TBC1D8: variants seen among roughly 807,000 people sequenced by gnomAD.
TBC1D8 encodes the protein BUB2-like protein 1.
TBC1D8 carries 65 observed loss-of-function variants against 118.8 expected under a neutral mutation model. The observed-to-expected ratio is 0.55, with a 90% CI of 0.45 to 0.67. The LOEUF (loss-of-function observed/expected upper bound fraction) is 0.67. TBC1D8 is among the 30% of genes least tolerant of loss of function. The probability of loss-of-function intolerance (pLI) is 0.00; values close to 1 mark genes in which losing one functional copy is unlikely to be tolerated. For missense variants in TBC1D8, 1,376 were observed against 1,471.2 expected (o/e 0.94, Z 1.06); for synonymous variants, 566 against 595.8 (o/e 0.95, Z 0.73).
chr2:101,017,247 C>A lies in TBC1D8; in HGVS notation c.2827+4434G>T, dbSNP rs116057343. ...CCTTCTGGAATAGCGCCTGAAGGACCTGCCTGAGGCTGTTTTACAGTTTAT... is the reference window on the plus strand; with the variant it reads ...CCTTCTGGAATAGCGCCTGAAGGACATGCCTGAGGCTGTTTTACAGTTTAT... On this transcript the variant is annotated intron_variant, in intron 17 of 19. Transcript: ENST00000409318. Among the ~76,000 whole-genome samples the A allele has an allele frequency of 5.2e-3, 784 of 152,154 alleles. 6 individuals are homozygous for A. Among genetic ancestry groups the A allele is most frequent in the African/African-American group, 0.018 (735 of 41,474 alleles).
rs1255339627 is a variant in TBC1D8, at chr2:101,090,342, A to G, written c.150T>C (p.Asp50=). 1 of 1,614,038 alleles carries G rather than the reference A, an allele frequency of 6.2e-7. No individual in the cohort carries two copies. The highest frequency in any genetic ancestry group is 1.7e-5 in the Admixed American group (1 of 60,030). Residue 50 remains aspartate (D), a synonymous_variant, in exon 2 of 20, where the codon GAT becomes GAC. Transcript: ENST00000409318. ...RLTGRLVGAL[D]AVLDSNARVA... ...CCCGTGCATTGGAATCCAACACTGC[A>G]TCCAGAGCGCCGACCAGGCGACCTT... is the stretch of plus-strand genomic sequence containing the variant.
chr2:101,105,936 T>C (rs888144219), intron 1 of TBC1D8, among the ~76,000 whole-genome samples: 1 of 152,126 alleles, frequency 6.6e-6, no homozygotes, highest in Non-Finnish European at 1.5e-5. Context: ...GCAGCTTTAT[T>C]CATAATTATC....
At chr2:101,102,324 G>A (rs573934652) in intron 1 of TBC1D8, among the ~76,000 whole-genome samples, 6 of 152,058 alleles carry the variant, frequency 3.9e-5, no homozygotes, top group East Asian at 1.9e-4. Flanking sequence ...CGTTGTGGCC[G>A]GTGCCTGTAA....
intron 2 of TBC1D8, among the ~76,000 whole-genome samples, chr2:101,066,323 C>T (rs2105431134): frequency 6.6e-6 from 1 of 151,876 alleles, no homozygotes; most frequent in African/African-American, 2.4e-5. Context: ...AAATATACTC[C>T]ATATGTTCAA....
At chr2:101,149,730 T>C (rs577865073) in intron 1 of TBC1D8, among the ~76,000 whole-genome samples, 2 of 152,210 alleles carry the variant, frequency 1.3e-5, no homozygotes, top group South Asian at 4.1e-4. Flanking sequence ...CCACCTCCAT[T>C]TCCTGAGAGC....
rs555533169 is a variant in TBC1D8, at chr2:101,028,372, G to A, written c.2283C>T (p.Ala761=). ...AGGGCTCCTGGTCGTCGGAGAAAAAGGCATGGTGGCTGCCAACTGGGGGCC... is the reference window on the plus strand; with the variant it reads ...AGGGCTCCTGGTCGTCGGAGAAAAAAGCATGGTGGCTGCCAACTGGGGGCC... ...SPGPPVGSHH[A]FFSDDQEPYP... is the part of the protein sequence containing the mutation. The change falls in exon 13 of 20, where the codon GCC becomes GCT. Residue 761 remains alanine (A), a synonymous_variant. Coordinates refer to ENST00000409318, the MANE Select transcript of TBC1D8 (RefSeq NM_001330348.2). 7.4e-6 allele frequency: 12 copies of A among 1,611,784 alleles called. No individual in the cohort carries two copies. The South Asian group carries it at 1.2e-4, about 16-fold the overall frequency.
intron 5 of TBC1D8, among the ~76,000 whole-genome samples, chr2:101,045,759 C>T (rs1020395875): frequency 6.6e-6 from 1 of 152,034 alleles, no homozygotes. Flanking sequence ...TTTGGGAGGC[C>T]GAGGCGAGAG....
At chr2:101,068,111 A>T (rs1292225143) in intron 2 of TBC1D8, among the ~76,000 whole-genome samples, 1 of 152,174 alleles carries the variant, frequency 6.6e-6, no homozygotes, top group African/African-American at 2.4e-5. Context: ...TGTTTCCACC[A>T]CATCTGCAGT....
At chr2:101,134,980 T>C (rs1678780809) in intron 1 of TBC1D8, among the ~76,000 whole-genome samples, 2 of 152,160 alleles carry the variant, frequency 1.3e-5, no homozygotes, top group Non-Finnish European at 1.5e-5. Context: ...AAGACTAGCC[T>C]GGCCAACATA....
chr2:101,090,009 G>A lies in TBC1D8; in HGVS notation c.283+200C>T, dbSNP rs552847753. 8.8e-5 allele frequency among the ~76,000 whole-genome samples: 13 copies of A among 147,844 alleles called. No individual in the cohort carries two copies. In the South Asian group the frequency reaches 1.3e-3, roughly 15 times the overall value. On this transcript the variant is annotated intron_variant, in intron 2 of 19. Coordinates refer to ENST00000409318, the MANE Select transcript of TBC1D8 (RefSeq NM_001330348.2). ...AGGAGAGGAGAGGAGAAGAAGGGGA[G>A]AGGAAGGAAGAGGAGGGCAGGGGAG...
At chr2:101,010,863 CAG>C in intron 19 of TBC1D8, 64 bp downstream of exon 19, 2 of 1,368,106 alleles carry the variant, frequency 1.5e-6, no homozygotes, top group South Asian at 1.2e-5. Context: ...GCCTGGGCGA[CAG>C]AGCGAGACTC....
At position 101,068,370 on chromosome 2, in the gene TBC1D8, C is replaced by T. The variant is rs376146860; in HGVS notation, c.284-8831G>A. 136 of 256,140 alleles carry T rather than the reference C, an allele frequency of 5.3e-4. 3 individuals are homozygous for T. The highest frequency in any genetic ancestry group is 4.1e-3 in the Middle Eastern group (3 of 736). The allele number at this position is 256,140 out of a possible 1,614,324, so 15.9% of individuals were successfully genotyped here. ...GAACTCTCGGTCTTCTTGGTAATAC[C>T]GGGTTGGATGTCAAAAGTTGCAGAA... On this transcript the variant is annotated intron_variant, in intron 2 of 19. Coordinates refer to ENST00000409318, the MANE Select transcript of TBC1D8 (RefSeq NM_001330348.2).
intron 17 of TBC1D8, among the ~76,000 whole-genome samples, chr2:101,020,611 T>C (rs970238762): frequency 1.3e-5 from 2 of 152,224 alleles, no homozygotes; most frequent in Non-Finnish European, 2.9e-5. Context: ...GAATGCTCAC[T>C]GGGGAGAGCG....
intron 1 of TBC1D8, among the ~76,000 whole-genome samples, chr2:101,127,564 G>T (rs1678406998): frequency 6.6e-6 from 1 of 152,030 alleles, no homozygotes; most frequent in Admixed American, 6.6e-5. Flanking sequence ...TTGAGACAGG[G>T]TATCACTCTG....
Position 101,033,666 on chromosome 2 carries a change from C to T in TBC1D8, c.1696G>A (p.Glu566Lys). Reference sequence around the variant, plus strand: ...GGCAGGGAGCGGTGCAGGTCTCGTTCTATCTCCTCGGTTACCAGGCAGCAT... The same window carrying T: ...GGCAGGGAGCGGTGCAGGTCTCGTTTTATCTCCTCGGTTACCAGGCAGCAT... ...GKCCLVTEEIERDLHRSLPEH... is the reference protein window; with the variant it reads ...GKCCLVTEEIKRDLHRSLPEH... Residue 566 changes from glutamate to lysine, a missense_variant, in exon 10 of 20, where the codon GAA becomes AAA. By Grantham distance (56) the Glu-to-Lys change is moderately conservative (BLOSUM62 1). Coordinates refer to ENST00000409318, the MANE Select transcript of TBC1D8 (RefSeq NM_001330348.2). 6.2e-7 allele frequency: 1 copy of T among 1,613,948 alleles called. No individual in the cohort carries two copies. The highest frequency in any genetic ancestry group is 8.5e-7 in the Non-Finnish European group (1 of 1,179,888).
intron 1 of TBC1D8, among the ~76,000 whole-genome samples, chr2:101,135,414 T>C (rs1294365506): frequency 1.3e-5 from 2 of 150,342 alleles, no homozygotes; most frequent in African/African-American, 2.4e-5. Context: ...GTAGCTCAAC[T>C]AATAAAAAAA....
rs1435820379 is a variant in TBC1D8, at chr2:101,090,309, T to C, written c.183A>G (p.Pro61=). 6.2e-7 allele frequency: 1 copy of C among 1,613,934 alleles called. No homozygotes were observed. Among genetic ancestry groups the C allele is most frequent in the South Asian group, 1.1e-5 (1 of 91,076 alleles). Residue 61 remains proline (P), a synonymous_variant, in exon 2 of 20, where the codon CCA becomes CCG. Coordinates refer to ENST00000409318, the MANE Select transcript of TBC1D8 (RefSeq NM_001330348.2). ...CGGGAACTTGAAGCAGAATTCGAAA[T>C]GGAGCGACCCGTGCATTGGAATCCA... is the stretch of plus-strand genomic sequence containing the variant. The part of the protein sequence containing the change: ...AVLDSNARVA[P]FRILLQVPGS...
intron 1 of TBC1D8, among the ~76,000 whole-genome samples, chr2:101,095,548 C>G (rs955647205): frequency 1.3e-5 from 2 of 151,926 alleles, no homozygotes; most frequent in Admixed American, 6.6e-5. Context: ...TGATGGTTTC[C>G]AGTTTCATCC....
In TBC1D8 at chr2:101,142,688, T is replaced by A. The variant is rs372624596; in HGVS notation, c.127+8439A>T. 8.5e-5 allele frequency among the ~76,000 whole-genome samples: 13 copies of A among 152,316 alleles called. No homozygotes were observed. The South Asian group carries it at 2.5e-3, about 29-fold the overall frequency. On this transcript the variant is annotated intron_variant, in intron 1 of 19. Coordinates refer to ENST00000409318, the MANE Select transcript of TBC1D8 (RefSeq NM_001330348.2). ...ACATAAAGCATGAATAAAAGTATATTTTGTAATAAAGTTACAAAAACACAC... is the reference window on the plus strand; with the variant it reads ...ACATAAAGCATGAATAAAAGTATATATTGTAATAAAGTTACAAAAACACAC...
Sources: gnomAD v4.1 joint callset for allele counts (sites outside exome capture counted in the v4.1 genomes callset) on GRCh38, gnomAD v4.1.1 for gene constraint, MANE v1.5 for transcripts, NCBI Gene and HGNC (gene_info 2026-07-23, HGNC 2026-07-21) for gene names.